LRP8: variants seen among roughly 807,000 people sequenced by gnomAD.
The protein encoded by LRP8 is low-density lipoprotein receptor-related protein 8.
Under a neutral mutation model 111.6 loss-of-function variants are expected in LRP8, and 46 were observed. The observed-to-expected ratio is 0.41, with a 90% confidence interval of 0.33 to 0.53. The LOEUF (loss-of-function observed/expected upper bound fraction) is 0.53, where lower values mean the gene tolerates loss of function less well. LRP8 is among the 20% of genes least tolerant of loss of function. LRP8 has a pLI of 0.20. For synonymous variants in LRP8, 464 were observed against 511.2 expected (o/e 0.91, Z 1.24); for missense variants, 959 against 1,297.4 (o/e 0.74, Z 4.01).
intron 9 of LRP8, 31 bp from the exon 10 acceptor site, chr1:53,264,427 A>C: frequency 6.4e-7 from 1 of 1,569,554 alleles, no homozygotes; most frequent in Non-Finnish European, 8.7e-7. Flanking sequence ...ACCATGGGGC[A>C]GATGTTCCAC....
chr1:53,275,884 A>T lies in LRP8; in HGVS notation c.884-131T>A. 6 of 1,151,258 alleles carry T rather than the reference A, an allele frequency of 5.2e-6. No individual in the cohort carries two copies. The highest frequency in any genetic ancestry group is 6.1e-6 in the Non-Finnish European group (5 of 821,452). The allele number at this position is 1,151,258 out of a possible 1,614,324, so 71.3% of individuals were successfully genotyped here. ...CCAGTGGCTGAACTCAGGAGTCCTC[A>T]AAGGACACCTGGCCAAGGCACCTCA... is the stretch of plus-strand genomic sequence containing the variant. On this transcript the variant is annotated intron_variant, in intron 5 of 18. Transcript: ENST00000306052. This position sits in a 1 kb window ranked among gnomAD's most constrained non-coding sequence, Gnocchi z 4.4.
Position 53,243,489 on chromosome 1 carries a change from A to G in LRP8, c.*3529T>C, listed in dbSNP as rs1034977761. 1 of 152,244 alleles carries G rather than the reference A, an allele frequency of 6.6e-6. No individual in the cohort carries two copies. The highest frequency in any genetic ancestry group is 2.4e-5 in the African/African-American group (1 of 41,466). 9.4% of individuals were successfully genotyped at this position (152,244 alleles called of 1,614,324 possible). A position where few individuals can be genotyped will look rare whatever the true frequency, so the allele number is the denominator to read the frequency against. ...ATATCAGTTCTGCAAAGTGCTGGCA[A>G]TGCATCCTAATGAATTTTCCATGAT... On this transcript the variant is annotated 3_prime_UTR_variant, in exon 19 of 19. Transcript: ENST00000306052.
chr1:53,328,014 C>G lies in LRP8; in HGVS notation c.-102G>C, dbSNP rs1281488130. The stretch of plus-strand genomic sequence containing the variant: ...TGCCGCGGCGCCGGGGTTGCCGCTG[C>G]CCCCGCCGCCGCCGCCGCCGCCGCT... On this transcript the variant is annotated 5_prime_UTR_variant, in exon 1 of 19. Coordinates refer to ENST00000306052, the MANE Select transcript of LRP8 (RefSeq NM_004631.5). 8 of 715,104 alleles carry G rather than the reference C, an allele frequency of 1.1e-5. No homozygotes were observed. Among genetic ancestry groups the G allele is most frequent in the Non-Finnish European group, 1.4e-5 (8 of 585,682 alleles). The allele number at this position is 715,104 out of a possible 1,614,324, so 44.3% of individuals were successfully genotyped here.
chr1:53,253,294 G>C (rs1455792821), intron 16 of LRP8, among the ~76,000 whole-genome samples: 1 of 152,032 alleles, frequency 6.6e-6, no homozygotes, highest in East Asian at 1.9e-4. Flanking sequence ...CATGGCAAAA[G>C]ATACCATAAA....
At chr1:53,257,615 CTTTTCT>C in intron 14 of LRP8, 151 bp from the exon 15 acceptor site, 1 of 630,812 alleles carries the variant, frequency 1.6e-6, no homozygotes, top group Non-Finnish European at 2.8e-6. Flanking sequence ...GGGCTATGAT[CTTTTCT>C]TTAGCTGAAT....
chr1:53,276,743 G>A lies in LRP8; in HGVS notation c.832C>T (p.Arg278Cys). Residue 278 changes from arginine (R) to cysteine (C), a missense_variant, in exon 5 of 19, where the codon CGC becomes TGC. This residue lies in a region of LRP8 where 819 missense variants were observed against 1,097.6 expected (regional missense o/e 0.75). Coordinates refer to ENST00000306052, the MANE Select transcript of LRP8 (RefSeq NM_004631.5). ...TTGCAGTCGCGGTCGCCGTCGCAGC[G>A]CCAGCCCAGGTGCACGCACTCGCCG... ...RSGECVHLGW[R>C]CDGDRDCKDK... 1.3e-6 allele frequency: 2 copies of A among 1,510,312 alleles called. No individual in the cohort carries two copies. Among genetic ancestry groups the A allele is most frequent in the Non-Finnish European group, 1.8e-6 (2 of 1,130,932 alleles). The allele number at this position is 1,510,312 out of a possible 1,614,324, so 93.6% of individuals were successfully genotyped here.
rs955455125 is a variant in LRP8, at chr1:53,294,954, T to C, written c.245-5265A>G. 6.6e-6 allele frequency among the ~76,000 whole-genome samples: 1 copy of C among 152,210 alleles called. No individual in the cohort carries two copies. The highest frequency in any genetic ancestry group is 2.4e-5 in the African/African-American group (1 of 41,460). ...GGGCACTGCTCTGTGCAGCTTCCTC[T>C]TGGCAATCCGAATGTCCTGCCGTGT... On this transcript the variant is annotated intron_variant, in intron 2 of 18. Coordinates refer to ENST00000306052, the MANE Select transcript of LRP8 (RefSeq NM_004631.5). The surrounding 1 kb of genome is among the most constrained non-coding windows in gnomAD (Gnocchi z 4.1).
intron 6 of LRP8, 121 bp from the exon 7 acceptor site, chr1:53,271,467 G>T: frequency 8.9e-7 from 1 of 1,121,280 alleles, no homozygotes; most frequent in Non-Finnish European, 1.3e-6. Flanking sequence ...GAGGCAGGAG[G>T]GCTCCACAAC....
intron 3 of LRP8, among the ~76,000 whole-genome samples, chr1:53,282,026 C>T (rs1427059625): frequency 6.6e-6 from 1 of 152,200 alleles, no homozygotes; most frequent in East Asian, 1.9e-4. Context: ...ATCCATTTCT[C>T]CCCGGAGGCA....
chr1:53,328,031 G>A lies in LRP8; in HGVS notation c.-119C>T, dbSNP rs1245848662. On this transcript the variant is annotated 5_prime_UTR_variant, in exon 1 of 19. Coordinates refer to ENST00000306052, the MANE Select transcript of LRP8 (RefSeq NM_004631.5). ...TGCCGCTGCCCCCGCCGCCGCCGCCGCCGCCGCTGCCGCCCGCCCCGGCTC... is the reference window on the plus strand; with the variant it reads ...TGCCGCTGCCCCCGCCGCCGCCGCCACCGCCGCTGCCGCCCGCCCCGGCTC... 1.8e-5 allele frequency: 8 copies of A among 443,960 alleles called. No individual in the cohort carries two copies. In the East Asian group the frequency reaches 7.8e-4, roughly 43 times the overall value. 27.5% of individuals were successfully genotyped at this position (443,960 alleles called of 1,614,324 possible).
chr1:53,258,582 CT>C (rs375848745), intron 13 of LRP8, 111 bp from the exon 14 acceptor site: 224 of 934,202 alleles, frequency 2.4e-4, no homozygotes, highest in South Asian at 2.8e-4. Flanking sequence ...TTGCCCTATA[CT>C]TTTTTTTTCA....
Position 53,271,352 on chromosome 1 carries a change from G to A in LRP8, c.1007-6C>T. On this transcript the variant is annotated splice_region_variant and splice_polypyrimidine_tract_variant and intron_variant, in intron 6 of 18. Coordinates refer to ENST00000306052, the MANE Select transcript of LRP8 (RefSeq NM_004631.5). ...GTGCAGACACTCGTTCAGCCCTGGG[G>A]AGGGACATGGGCTCCTGAAGGTCCA... is the stretch of plus-strand genomic sequence containing the variant. 6.2e-7 allele frequency: 1 copy of A among 1,614,052 alleles called. No homozygotes were observed. The highest frequency in any genetic ancestry group is 2.2e-5 in the East Asian group (1 of 44,864).
At chr1:53,325,256 C>T (rs1009057591) in intron 2 of LRP8, among the ~76,000 whole-genome samples, 13 of 152,240 alleles carry the variant, frequency 8.5e-5, no homozygotes, top group Admixed American at 6.5e-4. Flanking sequence ...GTTCAGGCTC[C>T]TACTTAACAA....
At chr1:53,301,072 C>T (rs767555491) in intron 2 of LRP8, among the ~76,000 whole-genome samples, 2 of 151,960 alleles carry the variant, frequency 1.3e-5, no homozygotes, top group Non-Finnish European at 2.9e-5. Flanking sequence ...GCACCCGCTC[C>T]GGGAGGGGAG....
intron 3 of LRP8, among the ~76,000 whole-genome samples, chr1:53,281,726 C>T (rs1228485612): frequency 6.6e-6 from 1 of 152,154 alleles, no homozygotes; most frequent in African/African-American, 2.4e-5. Context: ...TATCTCTGTG[C>T]CAATAAAGTG....
At chr1:53,280,427 C>T (rs1290348350) in intron 4 of LRP8, among the ~76,000 whole-genome samples, 160 bp downstream of exon 4, 4 of 152,158 alleles carry the variant, frequency 2.6e-5, no homozygotes, top group African/African-American at 9.7e-5. Flanking sequence ...AAGACCATGT[C>T]TCCATAGAAT....
chr1:53,302,856 A>ATTTTTTT lies in LRP8; in HGVS notation c.245-13174_245-13168dup, dbSNP rs769628078. On this transcript the variant is annotated intron_variant, in intron 2 of 18. Coordinates refer to ENST00000306052, the MANE Select transcript of LRP8 (RefSeq NM_004631.5). The stretch of plus-strand genomic sequence containing the variant: ...AGGCGTGCACCACCACACCCAGCTA[A>ATTTTTTT]TTTTTTTTTTTTTTTGGATTTTTGT... Among the ~76,000 whole-genome samples the ATTTTTTT allele has an allele frequency of 2.7e-4, 34 of 126,576 alleles. 1 individual carries two copies. Among genetic ancestry groups the ATTTTTTT allele is most frequent in the African/African-American group, 7.3e-4 (24 of 32,844 alleles). The allele number at this position is 126,576 out of a possible 152,430, so 83.0% of individuals were successfully genotyped here. A position where few individuals can be genotyped will look rare whatever the true frequency, so the allele number is the denominator to read the frequency against.
chr1:53,276,699 G>T lies in LRP8; in HGVS notation c.876C>A (p.Ala292=). ...GGTATGGAGGGGGCTTACGGCAGTC[G>T]GCCTCGTCCGATTTGTCTTTGCAGT... ...DRDCKDKSDE[A]DCPLGTCRGD... The change falls in exon 5 of 19, where the codon GCC becomes GCA. Residue 292 remains alanine (A), a synonymous_variant. Transcript: ENST00000306052. 5.2e-6 allele frequency: 8 copies of T among 1,539,344 alleles called. No individual in the cohort carries two copies. Among genetic ancestry groups the T allele is most frequent in the Non-Finnish European group, 6.1e-6 (7 of 1,146,716 alleles).
rs1177342764 is a variant in LRP8, at chr1:53,327,711, C to T, written c.124+78G>A. 2.9e-6 allele frequency: 4 copies of T among 1,361,814 alleles called. No homozygotes were observed. The East Asian group carries it at 1.3e-4, about 44-fold the overall frequency. The allele number at this position is 1,361,814 out of a possible 1,614,324, so 84.4% of individuals were successfully genotyped here. On this transcript the variant is annotated intron_variant, in intron 1 of 18. Transcript: ENST00000306052. ...CGATAGCCCCGGGTTCTGGACCCCT[C>T]CCCGCTCCGGCCTCCCGGCCGCGCT... is the stretch of plus-strand genomic sequence containing the variant.
Sources: gnomAD v4.1 joint callset for allele counts (sites outside exome capture counted in the v4.1 genomes callset) on GRCh38, gnomAD v4.1.1 for gene constraint, gnomAD v4.1.1 regional missense constraint, Gnocchi (gnomAD v3.1) non-coding constraint, MANE v1.5 for transcripts, NCBI Gene and HGNC (gene_info 2026-07-23, HGNC 2026-07-21) for gene names.